The following XKR6 variants were observed in gnomAD, a reference collection of about 807,000 sequenced individuals.
The protein encoded by XKR6 is XK-related protein 6.
A neutral mutation model predicts 56.7 loss-of-function variants in XKR6; 22 were observed. That is an observed-to-expected ratio of 0.39 (90% CI 0.28 to 0.55). The LOEUF (loss-of-function observed/expected upper bound fraction) is 0.55, where lower values mean the gene tolerates loss of function less well. XKR6 is among the 20% of genes least tolerant of loss of function. The probability of loss-of-function intolerance (pLI) is 0.66; values close to 1 mark genes in which losing one functional copy is unlikely to be tolerated. For missense variants in XKR6, 852 were observed against 889.0 expected (o/e 0.96, Z 0.53); for synonymous variants, 524 against 387.8 (o/e 1.35, Z -4.13).
chr8:10,987,369 T>C (rs1380838615), intron 1 of XKR6, among the ~76,000 whole-genome samples: 1 of 152,170 alleles, frequency 6.6e-6, no homozygotes, highest in African/African-American at 2.4e-5. Flanking sequence ...TTGAGAAAAA[T>C]GGGAAGCTAT....
chr8:11,090,343 C>T (rs1039395972), intron 1 of XKR6, among the ~76,000 whole-genome samples: 8 of 152,116 alleles, frequency 5.3e-5, no homozygotes, highest in Non-Finnish European at 1.0e-4. Context: ...CCCTCTCAGC[C>T]TCCCAAAGTG....
intron 2 of XKR6, among the ~76,000 whole-genome samples, chr8:10,907,528 G>C (rs1407109088): frequency 3.3e-5 from 5 of 152,192 alleles, no homozygotes; most frequent in Non-Finnish European, 5.9e-5. Flanking sequence ...GCAGCAGACT[G>C]ATTTCAAGAT....
intron 1 of XKR6, among the ~76,000 whole-genome samples, chr8:11,065,580 G>C (rs542749070): frequency 6.8e-6 from 1 of 146,988 alleles, no homozygotes; most frequent in Non-Finnish European, 1.5e-5. Context: ...TACTTAATAC[G>C]TTTTTTTTTT....
At chr8:10,929,122 T>C (rs1800985879) in intron 1 of XKR6, among the ~76,000 whole-genome samples, 1 of 152,176 alleles carries the variant, frequency 6.6e-6, no homozygotes, top group African/African-American at 2.4e-5. Flanking sequence ...TCTGTCAACA[T>C]CTTATAACTT....
intron 1 of XKR6, among the ~76,000 whole-genome samples, chr8:11,171,479 C>T (rs1038569334): frequency 1.3e-5 from 2 of 152,204 alleles, no homozygotes; most frequent in Non-Finnish European, 2.9e-5. Context: ...GTGTTTGGGT[C>T]ATGGGGGCAG....
At chr8:11,064,250 T>C (rs1436613751) in intron 1 of XKR6, among the ~76,000 whole-genome samples, 1 of 152,200 alleles carries the variant, frequency 6.6e-6, no homozygotes, top group Non-Finnish European at 1.5e-5. Context: ...CCCTCCCCAT[T>C]AATCTTTCAG....
At chr8:11,071,849 T>C (rs1028752348) in intron 1 of XKR6, among the ~76,000 whole-genome samples, 1 of 141,840 alleles carries the variant, frequency 7.1e-6, no homozygotes, top group Non-Finnish European at 1.5e-5. Context: ...GAAAGTCCTC[T>C]CTGTTCACAT....
At chr8:10,943,681 G>A (rs926473859) in intron 1 of XKR6, among the ~76,000 whole-genome samples, 2 of 152,182 alleles carry the variant, frequency 1.3e-5, no homozygotes, top group African/African-American at 4.8e-5. Context: ...CCTCCAGAAA[G>A]CCTTACGATC....
chr8:11,176,195 T>G lies in XKR6; in HGVS notation c.764+24381A>C, dbSNP rs375777517. 8.5e-5 allele frequency among the ~76,000 whole-genome samples: 13 copies of G among 152,206 alleles called. 1 individual carries two copies. The highest frequency in any genetic ancestry group is 3.1e-4 in the African/African-American group (13 of 41,450). On this transcript the variant is annotated intron_variant, in intron 1 of 2. Transcript: ENST00000416569. ...TTTGAAACCGGAAAAATCTCACAAC[T>G]GTAATAACCCTAGGAAATTATCTCC...
At position 11,173,580 on chromosome 8, in the gene XKR6, A is replaced by G. The variant is rs1802496210; in HGVS notation, c.764+26996T>C. On this transcript the variant is annotated intron_variant, in intron 1 of 2. Transcript: ENST00000416569. Reference sequence around the variant, plus strand: ...GACTTCTGTGTGCTTGGGTTTCCACATCTGTAAGATGGGGTCACCATGAGA... The same window carrying G: ...GACTTCTGTGTGCTTGGGTTTCCACGTCTGTAAGATGGGGTCACCATGAGA... 2.0e-5 allele frequency among the ~76,000 whole-genome samples: 3 copies of G among 152,160 alleles called. No individual in the cohort carries two copies. The South Asian group carries it at 6.2e-4, about 32-fold the overall frequency.
intron 1 of XKR6, among the ~76,000 whole-genome samples, chr8:10,950,824 AG>A (rs61115827): frequency 0.16 from 24,158 of 152,200 alleles, 2,159 homozygotes; most frequent in Middle Eastern, 0.25. Flanking sequence ...CAGGTCAGGC[AG>A]CTTGCTAGAA....
At chr8:11,060,074 G>C (rs927029908) in intron 1 of XKR6, among the ~76,000 whole-genome samples, 1 of 152,136 alleles carries the variant, frequency 6.6e-6, no homozygotes, top group Non-Finnish European at 1.5e-5. Flanking sequence ...TGATGTAAGT[G>C]CACTTCTGGT....
chr8:11,173,961 C>T (rs910993599), intron 1 of XKR6, among the ~76,000 whole-genome samples: 1 of 152,184 alleles, frequency 6.6e-6, no homozygotes, highest in Non-Finnish European at 1.5e-5. Context: ...CCCTCGGGTG[C>T]TTTGGGATGA....
At chr8:10,998,319 A>G (rs1199656103) in intron 1 of XKR6, among the ~76,000 whole-genome samples, 1 of 152,038 alleles carries the variant, frequency 6.6e-6, no homozygotes, top group Non-Finnish European at 1.5e-5. Context: ...TGTCATTTTG[A>G]ACCTAATTGT....
At chr8:10,930,050 C>A (rs1801010621) in intron 1 of XKR6, among the ~76,000 whole-genome samples, 1 of 151,972 alleles carries the variant, frequency 6.6e-6, no homozygotes. Context: ...TTCCCTGAAG[C>A]CACACCGTCA....
intron 1 of XKR6, among the ~76,000 whole-genome samples, chr8:10,928,559 T>G (rs1800964493): frequency 6.6e-6 from 1 of 151,650 alleles, no homozygotes; most frequent in Non-Finnish European, 1.5e-5. Context: ...AGCCGCCTCC[T>G]GCAGAGTCTC....
chr8:10,971,399 T>C (rs4841466), intron 1 of XKR6, among the ~76,000 whole-genome samples: 85,451 of 151,366 alleles, frequency 0.56, 25,805 homozygotes, highest in African/African-American at 0.77. Context: ...CCAGCCTGGG[T>C]GACAGAGCGA....
intron 1 of XKR6, among the ~76,000 whole-genome samples, chr8:10,953,411 G>A (rs1450906088): frequency 6.6e-6 from 1 of 152,118 alleles, no homozygotes; most frequent in Non-Finnish European, 1.5e-5. Context: ...CACCATGACT[G>A]TAAGCTTCTG....
intron 1 of XKR6, among the ~76,000 whole-genome samples, chr8:11,100,238 G>C (rs540081718): frequency 1.3e-5 from 2 of 152,094 alleles, no homozygotes; most frequent in Non-Finnish European, 2.9e-5. Context: ...ATTTTTTGTA[G>C]AGACGGGGTC....
Sources: gnomAD v4.1 joint callset for allele counts (sites outside exome capture counted in the v4.1 genomes callset) on GRCh38, gnomAD v4.1.1 for gene constraint, MANE v1.5 for transcripts, NCBI Gene and HGNC (gene_info 2026-07-23, HGNC 2026-07-21) for gene names.